The following FHIT variants were observed in gnomAD, a reference collection of about 807,000 sequenced individuals.
FHIT encodes fragile histidine triad diadenosine triphosphatase.
A neutral mutation model predicts 17.9 loss-of-function variants in FHIT; 19 were observed. The ratio of observed to expected loss-of-function variants is 1.06; its 90% CI spans 0.74 to 1.56. FHIT has a LOEUF of 1.56. FHIT is among the 40% of genes most tolerant of loss of function. FHIT has a pLI of 0.00. For synonymous variants in FHIT, 81 were observed against 69.7 expected, an observed-to-expected ratio of 1.16 and a Z score of -0.81; for missense variants, 248 against 189.2, an observed-to-expected ratio of 1.31 and a Z score of -1.82.
intron 4 of FHIT, among the ~76,000 whole-genome samples, chr3:60,803,923 A>G (rs1553733127): frequency 1.3e-5 from 2 of 152,190 alleles, no homozygotes; most frequent in African/African-American, 4.8e-5. Flanking sequence ...CTTTTATTTA[A>G]AGACTGATTC....
chr3:60,114,404 C>G (rs906519802), intron 5 of FHIT, among the ~76,000 whole-genome samples: 1 of 150,080 alleles, frequency 6.7e-6, no homozygotes, highest in Admixed American at 6.6e-5. Context: ...GACAGACTCT[C>G]CCATTGTTTC....
intron 8 of FHIT, among the ~76,000 whole-genome samples, chr3:59,876,460 C>CCT (rs1203609803): frequency 6.6e-6 from 1 of 151,606 alleles, no homozygotes; most frequent in Non-Finnish European, 1.5e-5. Context: ...AGCAGCACCC[C>CCT]TCCCCAGCCC....
rs201555469 is a variant in FHIT, at chr3:60,955,597, CAT to C, written c.-111+86448_-111+86449del. 1.5e-3 allele frequency among the ~76,000 whole-genome samples: 116 copies of C among 77,692 alleles called. 4 individuals are homozygous for C. Among genetic ancestry groups the C allele is most frequent in the Non-Finnish European group, 1.5e-3 (57 of 37,588 alleles). The allele number at this position is 77,692 out of a possible 152,430, so 51.0% of individuals were successfully genotyped here. A position where few individuals can be genotyped will look rare whatever the true frequency, so the allele number is the denominator to read the frequency against. ...ATGTATCTGCTTAGGCATATATATA[CAT>C]ATATATATATATATATATATATATA... On this transcript the variant is annotated intron_variant, in intron 3 of 9. Transcript: ENST00000492590.
intron 1 of FHIT, among the ~76,000 whole-genome samples, chr3:61,210,435 G>A (rs778970163): frequency 3.7e-4 from 57 of 152,358 alleles, no homozygotes; most frequent in Middle Eastern, 3.4e-3. Flanking sequence ...AGGCCTCCTT[G>A]AGCTGTGGTG....
intron 3 of FHIT, among the ~76,000 whole-genome samples, chr3:60,991,539 G>A (rs1226315711): frequency 6.6e-6 from 1 of 152,208 alleles, no homozygotes; most frequent in East Asian, 1.9e-4. Flanking sequence ...TTCCCTTACA[G>A]ATCCCAAGGC....
intron 4 of FHIT, among the ~76,000 whole-genome samples, chr3:60,546,360 C>T (rs2036363988): frequency 6.6e-6 from 1 of 152,146 alleles, no homozygotes; most frequent in South Asian, 2.1e-4. Flanking sequence ...CCTATCCATA[C>T]TAATGCTTAG....
chr3:59,912,574 G>C (rs1704931411), intron 8 of FHIT, among the ~76,000 whole-genome samples: 1 of 152,070 alleles, frequency 6.6e-6, no homozygotes, highest in South Asian at 2.1e-4. Flanking sequence ...CATATCAACT[G>C]ATAGGGCCAA....
At chr3:60,718,537 G>A (rs188742837) in intron 4 of FHIT, among the ~76,000 whole-genome samples, 1 of 152,256 alleles carries the variant, frequency 6.6e-6, no homozygotes, top group East Asian at 1.9e-4. Context: ...TTAAGGAAAG[G>A]CAAAGTAAAA....
intron 5 of FHIT, among the ~76,000 whole-genome samples, chr3:60,369,132 C>G (rs191779475): frequency 2.0e-4 from 31 of 151,804 alleles, no homozygotes; most frequent in Non-Finnish European, 4.0e-4. Flanking sequence ...ACCAACACGC[C>G]TTGCTAATTT....
intron 2 of FHIT, among the ~76,000 whole-genome samples, chr3:61,178,308 C>T (rs759693405): frequency 6.6e-6 from 1 of 151,888 alleles, no homozygotes; most frequent in Admixed American, 6.6e-5. Flanking sequence ...GGAGGCTTAT[C>T]AAGGCTAAAG....
chr3:61,208,740 A>G (rs965396913), intron 1 of FHIT, among the ~76,000 whole-genome samples: 4 of 151,978 alleles, frequency 2.6e-5, no homozygotes, highest in Non-Finnish European at 5.9e-5. Context: ...TCCTGAATAC[A>G]GCACACTGAT....
intron 2 of FHIT, among the ~76,000 whole-genome samples, chr3:61,100,181 G>T (rs919152516): frequency 2.6e-5 from 4 of 152,024 alleles, no homozygotes; most frequent in African/African-American, 9.7e-5. Flanking sequence ...ATGTACATTA[G>T]GTATTTCTCC....
intron 1 of FHIT, among the ~76,000 whole-genome samples, chr3:61,222,602 TAGAC>T (rs780466342): frequency 6.6e-6 from 1 of 152,050 alleles, no homozygotes; most frequent in African/African-American, 2.4e-5. Flanking sequence ...GCAGACTTGA[TAGAC>T]AGGCTGCTGA....
chr3:60,194,408 T>C (rs1383854265), intron 5 of FHIT, among the ~76,000 whole-genome samples: 1 of 152,110 alleles, frequency 6.6e-6, no homozygotes, highest in Non-Finnish European at 1.5e-5. Context: ...AACGGGATCC[T>C]TATCTCTCAT....
intron 8 of FHIT, among the ~76,000 whole-genome samples, chr3:59,769,223 G>C (rs1701952347): frequency 6.6e-6 from 1 of 152,190 alleles, no homozygotes; most frequent in Admixed American, 6.5e-5. Context: ...ATCATCTTTT[G>C]AGGCGGAAAC....
intron 3 of FHIT, among the ~76,000 whole-genome samples, chr3:60,905,536 C>T (rs1299030202): frequency 1.3e-5 from 2 of 152,160 alleles, no homozygotes; most frequent in Non-Finnish European, 2.9e-5. Context: ...AAATTATTCA[C>T]TGTAGTGTTA....
intron 5 of FHIT, among the ~76,000 whole-genome samples, chr3:60,462,252 C>T (rs2032519294): frequency 6.6e-6 from 1 of 152,196 alleles, no homozygotes; most frequent in South Asian, 2.1e-4. Flanking sequence ...AACTCATTTA[C>T]TCTCCACCAC....
rs188178197 is a variant in FHIT, at chr3:60,628,602, G to C, written c.-17-91623C>G. Among the ~76,000 whole-genome samples, 40 of 152,204 alleles carry C rather than the reference G, an allele frequency of 2.6e-4. No homozygotes were observed. The East Asian group carries it at 6.4e-3, about 24-fold the overall frequency. On this transcript the variant is annotated intron_variant, in intron 4 of 9. Transcript: ENST00000492590. Reference sequence around the variant, plus strand: ...AGTTAGATCTTCAGGCCAATTTTTCGTTACTCCAGGAGGGCTCTCTTACCT... The same window carrying C: ...AGTTAGATCTTCAGGCCAATTTTTCCTTACTCCAGGAGGGCTCTCTTACCT...
intron 5 of FHIT, among the ~76,000 whole-genome samples, chr3:60,308,334 C>T (rs189932284): frequency 2.0e-4 from 25 of 123,754 alleles, no homozygotes; most frequent in Admixed American, 1.1e-3. Context: ...GTGTAGAGTT[C>T]CCACTATTGG....
Sources: allele counts gnomAD v4.1 joint callset (sites outside exome capture counted in the v4.1 genomes callset), GRCh38; gene constraint gnomAD v4.1.1; transcripts MANE v1.5; gene names NCBI Gene and HGNC (gene_info 2026-07-23, HGNC 2026-07-21).